SPTBN2: variants seen among roughly 807,000 people sequenced by gnomAD.
The protein encoded by SPTBN2 is spectrin beta chain, non-erythrocytic 2.
A neutral mutation model predicts 284.2 loss-of-function variants in SPTBN2; 107 were observed. That is an observed-to-expected ratio of 0.38 (90% CI 0.32 to 0.44). The LOEUF is 0.44. SPTBN2 is among the 20% of genes least tolerant of loss of function. The pLI is 1.00. For missense variants in SPTBN2, 2,569 were observed against 3,287.1 expected (o/e 0.78, Z 5.34); for synonymous variants, 1,289 against 1,354.8 (o/e 0.95, Z 1.07).
At position 66,688,232 on chromosome 11, in the gene SPTBN2, G is replaced by A. The variant is rs1193582061; in HGVS notation, c.6311C>T (p.Thr2104Ile). ...RRKQPPAPEP[T>I]ASVPPGDLVG... ...CAGGTCCCCTGGAGGCACACTGGCTGTGGGTTCGGGAGCAGGCGGCTGTTT... is the reference window on the plus strand; with the variant it reads ...CAGGTCCCCTGGAGGCACACTGGCTATGGGTTCGGGAGCAGGCGGCTGTTT... The change falls in exon 32 of 38, where the codon ACA becomes ATA. Residue 2104 changes from threonine (T) to isoleucine (I), a missense_variant. Physicochemically the swap from Thr to Ile is moderately conservative, Grantham distance 89. Transcript: ENST00000533211. 1 of 1,613,590 alleles carries A rather than the reference G, an allele frequency of 6.2e-7. No individual in the cohort carries two copies. Among genetic ancestry groups the A allele is most frequent in the African/African-American group, 1.3e-5 (1 of 74,926 alleles).
In SPTBN2 at chr11:66,714,180, A is replaced by G. The variant is rs1019030364; in HGVS notation, c.576-9T>C. On this transcript the variant is annotated splice_polypyrimidine_tract_variant and intron_variant, in intron 6 of 37. Transcript: ENST00000533211. Reference sequence around the variant, plus strand: ...CATTGACGTTGGGATAACTATAAACAGAGATTCAGAAAATGGTGAGTAGGG... The same window carrying G: ...CATTGACGTTGGGATAACTATAAACGGAGATTCAGAAAATGGTGAGTAGGG... 14 of 1,614,086 alleles carry G rather than the reference A, an allele frequency of 8.7e-6. No individual in the cohort carries two copies. The highest frequency in any genetic ancestry group is 1.2e-5 in the Non-Finnish European group (14 of 1,179,912).
At position 66,743,722 on chromosome 11, in the gene SPTBN2, C is replaced by T. The variant is rs575981928; in HGVS notation, c.-475+820G>A. Among the ~76,000 whole-genome samples, 6 of 152,298 alleles carry T rather than the reference C, an allele frequency of 3.9e-5. No homozygotes were observed. The East Asian group carries it at 9.6e-4, about 24-fold the overall frequency. ...GAAAAGCCAGCTCCTGGTCTTGGCACATTCAGTGCAGTCAAACGTGGAAAG... is the reference window on the plus strand; with the variant it reads ...GAAAAGCCAGCTCCTGGTCTTGGCATATTCAGTGCAGTCAAACGTGGAAAG... On this transcript the variant is annotated intron_variant, in intron 1 of 37. Transcript: ENST00000611817.
chr11:66,734,438 T>C (rs1942838819), intron 1 of SPTBN2, among the ~76,000 whole-genome samples: 1 of 152,218 alleles, frequency 6.6e-6, no homozygotes, highest in African/African-American at 2.4e-5. Context: ...CACTTGCACT[T>C]GGCACTCTGT....
chr11:66,707,879 T>G lies in SPTBN2; in HGVS notation c.1351-61A>C. ...AAGGGACAGTGCCTCTGCCTGCTCC[T>G]CTGTCCTGCAGGGCACTTGGCCTGC... is the stretch of plus-strand genomic sequence containing the variant. On this transcript the variant is annotated intron_variant, in intron 12 of 37. Coordinates refer to ENST00000533211, the MANE Select transcript of SPTBN2 (RefSeq NM_006946.4). This position sits in a 1 kb window ranked among gnomAD's most constrained non-coding sequence, Gnocchi z 4.9. 1 of 1,584,132 alleles carries G rather than the reference T, an allele frequency of 6.3e-7. No homozygotes were observed. Among genetic ancestry groups the G allele is most frequent in the Non-Finnish European group, 8.6e-7 (1 of 1,168,462 alleles).
intron 20 of SPTBN2, among the ~76,000 whole-genome samples, chr11:66,697,693 C>T (rs916921179): frequency 6.6e-5 from 10 of 152,162 alleles, no homozygotes; most frequent in African/African-American, 2.4e-4. Flanking sequence ...TCCTTATTCC[C>T]CAGGCTTCAA....
Position 66,690,263 on chromosome 11 carries a change from G to C in SPTBN2, c.5586C>G (p.Asp1862Glu). The change falls in exon 28 of 38, where the codon GAC becomes GAG. Residue 1862 changes from aspartate (D) to glutamate (E), a missense_variant. Physicochemically the swap from Asp to Glu is conservative, Grantham distance 45. Coordinates refer to ENST00000533211, the MANE Select transcript of SPTBN2 (RefSeq NM_006946.4). ...LSPQVQQVQDDGHRLQKAYAG... is the reference protein window; with the variant it reads ...LSPQVQQVQDEGHRLQKAYAG... ...CGTAGGCCTTCTGGAGCCGGTGGCCGTCGTCCTGCACCTGCTGGACCTGCG... is the reference window on the plus strand; with the variant it reads ...CGTAGGCCTTCTGGAGCCGGTGGCCCTCGTCCTGCACCTGCTGGACCTGCG... 6.2e-7 allele frequency: 1 copy of C among 1,610,608 alleles called. No homozygotes were observed.
At chr11:66,727,923 G>A (rs1307029049) in intron 1 of SPTBN2, 1 of 150,434 alleles carries the variant, frequency 6.6e-6, no homozygotes, top group African/African-American at 2.4e-5. Flanking sequence ...CTCTTCTCCC[G>A]GCTCCAGAGA....
Position 66,710,582 on chromosome 11 carries a change from T to G in SPTBN2, c.1073A>C (p.Lys358Thr), listed in dbSNP as rs552728519. The change falls in exon 10 of 38, where the codon AAG (lysine) becomes ACG (threonine). Residue 358 changes from lysine to threonine, a missense_variant and splice_region_variant. This residue lies in a region of SPTBN2 where 304 missense variants were observed against 522.1 expected (regional missense o/e 0.58). Coordinates refer to ENST00000533211, the MANE Select transcript of SPTBN2 (RefSeq NM_006946.4). This position sits in a 1 kb window ranked among gnomAD's most constrained non-coding sequence, Gnocchi z 4.9. ...AGGGTGGGGCCCCAGGGACACCTAC[T>G]TGGGCGGCTTCTCCACGGTGCGGTA... ...NSYRTVEKPP[K>T]FTEKGNLEVL... 3 of 1,613,474 alleles carry G rather than the reference T, an allele frequency of 1.9e-6. No homozygotes were observed. The highest frequency in any genetic ancestry group is 2.5e-6 in the Non-Finnish European group (3 of 1,179,806).
At chr11:66,702,861 C>T (rs1330160243) in intron 15 of SPTBN2, among the ~76,000 whole-genome samples, 2 of 145,462 alleles carry the variant, frequency 1.4e-5, no homozygotes, top group African/African-American at 2.5e-5. Flanking sequence ...TGGCGTGAAC[C>T]CGGGCGGCGG....
chr11:66,696,217 T>A, intron 21 of SPTBN2, 60 bp downstream of exon 21: 1 of 1,598,348 alleles, frequency 6.3e-7, no homozygotes, highest in South Asian at 1.1e-5. Flanking sequence ...TCCCAAATCT[T>A]GAAAGCTGCA....
In SPTBN2 at chr11:66,710,865, C is replaced by A; in HGVS notation, c.885+52G>T. The A allele has an allele frequency of 1.9e-6, 3 of 1,610,472 alleles. No individual in the cohort carries two copies. Among genetic ancestry groups the A allele is most frequent in the Admixed American group, 1.7e-5 (1 of 60,016 alleles). ...CTGCCCTTGCACTAGGGCAGTAAGA[C>A]CCCTCAGCCGGGCCTCCTCTGGCCT... On this transcript the variant is annotated intron_variant, in intron 9 of 37. Coordinates refer to ENST00000533211, the MANE Select transcript of SPTBN2 (RefSeq NM_006946.4). This position sits in a 1 kb window ranked among gnomAD's most constrained non-coding sequence, Gnocchi z 4.9.
At chr11:66,695,630 A>G (rs1940859128) in intron 21 of SPTBN2, among the ~76,000 whole-genome samples, 2 of 152,168 alleles carry the variant, frequency 1.3e-5, no homozygotes, top group Non-Finnish European at 2.9e-5. Context: ...GCTGTGACAT[A>G]GACCTTACGA....
intron 8 of SPTBN2, 62 bp from the exon 9 acceptor site, chr11:66,711,091 AC>A: frequency 7.2e-7 from 1 of 1,394,970 alleles, no homozygotes; most frequent in Non-Finnish European, 1.0e-6. Flanking sequence ...TGCATCACTT[AC>A]CCCAAACCCT....
chr11:66,714,210 G>A, intron 6 of SPTBN2, 39 bp from the exon 7 acceptor site: 7 of 1,610,780 alleles, frequency 4.3e-6, no homozygotes, highest in Non-Finnish European at 5.9e-6. Context: ...GTAGGGCTGA[G>A]CTCTGTTCTA....
chr11:66,716,097 T>C lies in SPTBN2; in HGVS notation c.158-116A>G. 2.9e-6 allele frequency: 4 copies of C among 1,375,858 alleles called. No individual in the cohort carries two copies. In the South Asian group the frequency reaches 4.8e-5, roughly 16 times the overall value. 85.2% of individuals were successfully genotyped at this position (1,375,858 alleles called of 1,614,324 possible). A position where few individuals can be genotyped will look rare whatever the true frequency, so the allele number is the denominator to read the frequency against. On this transcript the variant is annotated intron_variant, in intron 3 of 37. Transcript: ENST00000533211. ...CTGAGAGATGGGAAGCGGGGTCCTC[T>C]AAGGAGGAGGAAGGGAAGGAAGATG...
intron 29 of SPTBN2, 72 bp downstream of exon 29, chr11:66,689,733 C>A: frequency 6.2e-7 from 1 of 1,600,960 alleles, no homozygotes. Context: ...TGAGAGGAAG[C>A]AGAAAGCCAC....
At chr11:66,704,541 TG>T in intron 15 of SPTBN2, 56 bp downstream of exon 15, 1 of 1,569,496 alleles carries the variant, frequency 6.4e-7, no homozygotes, top group Non-Finnish European at 8.7e-7. Context: ...ACCCACATCC[TG>T]GCCCCCCCAC....
At position 66,693,319 on chromosome 11, in the gene SPTBN2, C is replaced by T. The variant is rs201513713; in HGVS notation, c.4721G>A (p.Gly1574Asp). The T allele has an allele frequency of 2.7e-5, 43 of 1,612,128 alleles. No homozygotes were observed. The highest frequency in any genetic ancestry group is 1.6e-4 in the African/African-American group (12 of 75,078). ...CTTCCCTCGAAGTTCCAGCTCGTGG[C>T]CCAGGCGTTTCCACATTTCCTGCAG... ...AELQEMWKRL[G>D]HELELRGKRL... Residue 1574 changes from glycine (G) to aspartate (D), a missense_variant, in exon 24 of 38, where the codon GGC becomes GAC. Transcript: ENST00000533211. This position sits in a 1 kb window ranked among gnomAD's most constrained non-coding sequence, Gnocchi z 5.7.
In SPTBN2 at chr11:66,708,068, C is replaced by T. The variant is rs1017782438; in HGVS notation, c.1350+73G>A. 6.7e-5 allele frequency: 107 copies of T among 1,602,810 alleles called. No homozygotes were observed. The highest frequency in any genetic ancestry group is 2.5e-4 in the Admixed American group (15 of 59,836). On this transcript the variant is annotated intron_variant, in intron 12 of 37. Transcript: ENST00000533211. The surrounding 1 kb of genome is among the most constrained non-coding windows in gnomAD (Gnocchi z 4.4). ...TGTGTTTCATTGTCTCTCCACCCCG[C>T]GGGGCTTCTTATCCACCCTGTCTCT...
Sources: allele counts gnomAD v4.1 joint callset (sites outside exome capture counted in the v4.1 genomes callset), GRCh38; gene constraint gnomAD v4.1.1; regional missense constraint gnomAD v4.1.1; non-coding constraint Gnocchi (gnomAD v3.1); transcripts MANE v1.5; gene names NCBI Gene and HGNC (gene_info 2026-07-23, HGNC 2026-07-21).